OR11A1: variants seen among roughly 807,000 people sequenced by gnomAD.
OR11A1 encodes the protein olfactory receptor 11A1.
For missense variants in OR11A1, 380 were observed against 378.2 expected (o/e 1.00, Z -0.04); for synonymous variants, 158 against 152.2 (o/e 1.04, Z -0.28).
intron 3 of OR11A1, 30 bp downstream of exon 3, chr6:29,430,271 C>T: frequency 1.0e-6 from 1 of 985,364 alleles, no homozygotes; most frequent in Non-Finnish European, 1.2e-6. Flanking sequence ...TATTGCCCTC[C>T]AACTCCCGTC....
chr6:29,440,195 C>T, intron 1 of OR11A1: 1 of 1,613,884 alleles, frequency 6.2e-7, no homozygotes, highest in South Asian at 1.1e-5. Context: ...CTATGTACTT[C>T]TTCCTGCGCA....
intron 1 of OR11A1, among the ~76,000 whole-genome samples, chr6:29,449,272 G>A (rs780141866): frequency 3.9e-5 from 6 of 152,194 alleles, no homozygotes; most frequent in Non-Finnish European, 5.9e-5. Flanking sequence ...TTGTTAGTAG[G>A]AGAGTCCACC....
chr6:29,440,837 C>T (rs1258430124), intron 1 of OR11A1: 4 of 1,613,832 alleles, frequency 2.5e-6, no homozygotes, highest in Non-Finnish European at 2.5e-6. Flanking sequence ...CTCTGGTGTC[C>T]CTCTTCTATG....
rs775523905 is a variant in OR11A1 at position 29,427,632 on chromosome 6, C to T, written c.10G>A (p.Val4Ile). 3 of 1,604,678 alleles carry T rather than the reference C, an allele frequency of 1.9e-6. No individual in the cohort carries two copies. The highest frequency in any genetic ancestry group is 2.6e-6 in the Non-Finnish European group (3 of 1,175,156). MEI[V>I]STGNETITEF... ...GTAATAGTTTCGTTTCCTGTGGAGA[C>T]AATTTCCATGTCGATCGTCCAAGTT... Residue 4 changes from valine (V) to isoleucine (I), a missense_variant, in exon 5 of 5, where the codon GTC (valine) becomes ATC (isoleucine). By Grantham distance (29) the Val-to-Ile change is conservative. Coordinates refer to ENST00000377149, the MANE Select transcript of OR11A1 (RefSeq NM_001394828.1).
chr6:29,426,400 G>A lies in OR11A1; in HGVS notation c.*294C>T. The A allele has an allele frequency of 3.2e-6, 1 of 316,776 alleles. No individual in the cohort carries two copies. The highest frequency in any genetic ancestry group is 5.8e-6 in the Non-Finnish European group (1 of 172,266). The allele number at this position is 316,776 out of a possible 1,614,324, so 19.6% of individuals were successfully genotyped here. ...TGAGGGTGGAGGTTGGGAGGAGGGA[G>A]AAGATCAGGAAAAATGATTAATGAG... On this transcript the variant is annotated 3_prime_UTR_variant, in exon 5 of 5. Coordinates refer to ENST00000377149, the MANE Select transcript of OR11A1 (RefSeq NM_001394828.1).
intron 1 of OR11A1, among the ~76,000 whole-genome samples, chr6:29,455,863 G>A (rs1786099332): frequency 1.0e-5 from 1 of 96,136 alleles, no homozygotes; most frequent in South Asian, 4.5e-4. Context: ...GAGACAGAAT[G>A]AGACTTGTCT....
intron 1 of OR11A1, among the ~76,000 whole-genome samples, chr6:29,454,975 G>A (rs2151410482): frequency 6.6e-6 from 1 of 151,978 alleles, no homozygotes; most frequent in South Asian, 2.1e-4. Context: ...TTATATGTAT[G>A]AAAATGAATT....
chr6:29,430,165 A>T (rs1783138291), intron 3 of OR11A1, 136 bp downstream of exon 3: 1 of 442,910 alleles, frequency 2.3e-6, no homozygotes, highest in Non-Finnish European at 3.0e-6. Flanking sequence ...ATGAATACTT[A>T]ATGTTTAACA....
chr6:29,437,627 A>G (rs1478237848), intron 1 of OR11A1, among the ~76,000 whole-genome samples: 1 of 149,450 alleles, frequency 6.7e-6, no homozygotes, highest in Non-Finnish European at 1.5e-5. Flanking sequence ...CTTTAAAGAC[A>G]TGGATATTTT....
intron 1 of OR11A1, among the ~76,000 whole-genome samples, chr6:29,442,439 A>G (rs1784288022): frequency 6.6e-6 from 1 of 152,256 alleles, no homozygotes; most frequent in South Asian, 2.1e-4. Flanking sequence ...TACATACTTT[A>G]TATCATTCCA....
chr6:29,426,854 G>A lies in OR11A1; in HGVS notation c.788C>T (p.Pro263Leu). 2 of 1,613,050 alleles carry A rather than the reference G, an allele frequency of 1.2e-6. No individual in the cohort carries two copies. The highest frequency in any genetic ancestry group is 1.1e-5 in the South Asian group (1 of 91,078). The change falls in exon 5 of 5, where the codon CCC becomes CTC. Residue 263 changes from proline (P) to leucine (L), a missense_variant. Physicochemically the swap from Pro to Leu is moderately conservative, Grantham distance 98 (BLOSUM62 -3). Coordinates refer to ENST00000377149, the MANE Select transcript of OR11A1 (RefSeq NM_001394828.1). ...GAGGAGCTGGGAATGGACAGCAGAG[G>A]GTGCAACATAAAAGATCATGAGCGT... ...YGTLMIFYVA[P>L]SAVHSQLLSK...
rs750615500 is a variant in OR11A1 at position 29,427,166 on chromosome 6, A to C, written c.476T>G (p.Leu159Arg). ...CAGCTGGGCCACCAGGGCCACAACC[A>C]GTCCATCTACCACAAATCCAGAGAG... ...TWLSGFVVDG[L>R]VVALVAQLRF... Residue 159 changes from leucine to arginine, a missense_variant, in exon 5 of 5, where the codon CTG (leucine) becomes CGG (arginine). Transcript: ENST00000377149. 1 of 1,613,130 alleles carries C rather than the reference A, an allele frequency of 6.2e-7. No individual in the cohort carries two copies. Among genetic ancestry groups the C allele is most frequent in the Non-Finnish European group, 8.5e-7 (1 of 1,180,030 alleles).
chr6:29,440,234 G>T (rs775441554), intron 1 of OR11A1: 1 of 1,613,800 alleles, frequency 6.2e-7, no homozygotes, highest in Admixed American at 1.7e-5. Flanking sequence ...TTGGCTATAC[G>T]TCTGTCACGG....
At chr6:29,441,123 C>G in intron 1 of OR11A1, 1 of 582,442 alleles carries the variant, frequency 1.7e-6, no homozygotes, top group Non-Finnish European at 3.0e-6. Flanking sequence ...CTCAGACCCT[C>G]ACAACACATA....
In OR11A1 at chr6:29,426,380, G is replaced by A. The variant is rs1409799115; in HGVS notation, c.*314C>T. On this transcript the variant is annotated 3_prime_UTR_variant, in exon 5 of 5. Transcript: ENST00000377149. ...ACAACACACTGAATCCTACTTGAGG[G>A]TGGAGGTTGGGAGGAGGGAGAAGAT... The A allele has an allele frequency of 3.5e-6, 1 of 283,036 alleles. No homozygotes were observed. Among genetic ancestry groups the A allele is most frequent in the Admixed American group, 4.6e-5 (1 of 21,732 alleles). 17.5% of individuals were successfully genotyped at this position (283,036 alleles called of 1,614,324 possible). A position where few individuals can be genotyped will look rare whatever the true frequency, so the allele number is the denominator to read the frequency against.
At chr6:29,440,157 G>T (rs1330429514) in intron 1 of OR11A1, 1 of 1,613,376 alleles carries the variant, frequency 6.2e-7, no homozygotes, top group Non-Finnish European at 8.5e-7. Flanking sequence ...TGTGGTGCTG[G>T]TCTCCACTGA....
At chr6:29,432,459 G>GAGCCTGCCCTC (rs1561778434) in intron 1 of OR11A1, among the ~76,000 whole-genome samples, 1 of 151,810 alleles carries the variant, frequency 6.6e-6, no homozygotes, top group African/African-American at 2.4e-5. Context: ...GTCCTCCCAG[G>GAGCCTGCCCTC]AGCCTGCCCT....
At chr6:29,427,790 C>A in intron 4 of OR11A1, 58 bp from the exon 5 acceptor site, 7 of 1,273,798 alleles carry the variant, frequency 5.5e-6, no homozygotes, top group Non-Finnish European at 6.3e-6. Context: ...GACTCGCTCA[C>A]GCAAGTCTTC....
At chr6:29,439,875 T>C (rs1783956439) in intron 1 of OR11A1, 8 of 665,694 alleles carry the variant, frequency 1.2e-5, no homozygotes, top group Non-Finnish European at 2.0e-5. Flanking sequence ...AATTTCAAAG[T>C]CCATGATATT....
Sources: allele counts gnomAD v4.1 joint callset (sites outside exome capture counted in the v4.1 genomes callset), GRCh38; gene constraint gnomAD v4.1.1; transcripts MANE v1.5; gene names NCBI Gene and HGNC (gene_info 2026-07-23, HGNC 2026-07-21).